The following OSBP variants were observed in gnomAD, a reference collection of about 807,000 sequenced individuals.
The protein encoded by OSBP is oxysterol binding protein.
A neutral mutation model predicts 96.6 loss-of-function variants in OSBP; 32 were observed. That is an observed-to-expected ratio of 0.33 (90% CI 0.25 to 0.45). The LOEUF is 0.45. OSBP is among the 20% of genes least tolerant of loss of function. The pLI, the probability that OSBP is intolerant of heterozygous loss-of-function variation, is 1.00. For missense variants in OSBP, 653 were observed against 1,029.7 expected (o/e 0.63, Z 5.01); for synonymous variants, 369 against 389.6 (o/e 0.95, Z 0.62).
At chr11:59,587,166 A>C (rs1860509232) in intron 9 of OSBP, among the ~76,000 whole-genome samples, 2 of 152,172 alleles carry the variant, frequency 1.3e-5, no homozygotes, top group Admixed American at 6.5e-5. Flanking sequence ...AGAACTCCTA[A>C]AATTCAACAA....
At chr11:59,602,763 AG>A (rs1407187255) in intron 3 of OSBP, among the ~76,000 whole-genome samples, 1 of 152,196 alleles carries the variant, frequency 6.6e-6, no homozygotes, top group Admixed American at 6.5e-5. Flanking sequence ...TTGGGACTAC[AG>A]TTATGTACCA....
intron 9 of OSBP, among the ~76,000 whole-genome samples, chr11:59,590,319 T>C (rs75883981): frequency 6.6e-6 from 1 of 152,338 alleles, no homozygotes; most frequent in African/African-American, 2.4e-5. Context: ...TTCAGTGTCC[T>C]TTTTGCACTG....
chr11:59,574,798 G>A lies in OSBP; in HGVS notation c.*1779C>T, dbSNP rs76313618. On this transcript the variant is annotated 3_prime_UTR_variant, in exon 14 of 14. Transcript: ENST00000263847. ...CATGTTTATCACAACTAGGAAGGAA[G>A]GGATAGGGGAAGAAATAAAAGTATT... 5,748 of 152,694 alleles carry A rather than the reference G, an allele frequency of 0.038. 148 individuals carry two copies. Among genetic ancestry groups the A allele is most frequent in the Non-Finnish European group, 0.043 (2,922 of 68,024 alleles). The allele number at this position is 152,694 out of a possible 1,614,324, so 9.5% of individuals were successfully genotyped here. A position where few individuals can be genotyped will look rare whatever the true frequency, so the allele number is the denominator to read the frequency against.
intron 7 of OSBP, among the ~76,000 whole-genome samples, chr11:59,598,644 T>C (rs1266149095): frequency 4.6e-5 from 7 of 152,130 alleles, no homozygotes; most frequent in Non-Finnish European, 8.8e-5. Flanking sequence ...GGCTGGAGTA[T>C]AGTGGTGCGA....
chr11:59,599,268 T>C (rs565259836), intron 7 of OSBP, among the ~76,000 whole-genome samples: 5 of 152,252 alleles, frequency 3.3e-5, no homozygotes, highest in South Asian at 2.1e-4. Context: ...AAGAGTATCA[T>C]TGTGCTCCTA....
chr11:59,606,756 T>C (rs910438312), intron 3 of OSBP, among the ~76,000 whole-genome samples: 5 of 152,260 alleles, frequency 3.3e-5, no homozygotes, highest in Non-Finnish European at 7.3e-5. Context: ...TTTAGAGCTG[T>C]GATGCTCTAG....
chr11:59,615,705 C>CG lies in OSBP; in HGVS notation c.-42dup, dbSNP rs1860920225. 7.9e-7 allele frequency: 1 copy of CG among 1,266,664 alleles called. No homozygotes were observed. Among genetic ancestry groups the CG allele is most frequent in the African/African-American group, 1.6e-5 (1 of 64,180 alleles). The allele number at this position is 1,266,664 out of a possible 1,614,324, so 78.5% of individuals were successfully genotyped here. A position where few individuals can be genotyped will look rare whatever the true frequency, so the allele number is the denominator to read the frequency against. ...GGAGATACAAGACCGGAACCGCCTACGAGAGCCGCCGTCGCCGCCCGGAGC... is the reference window on the plus strand; with the variant it reads ...GGAGATACAAGACCGGAACCGCCTACGGAGAGCCGCCGTCGCCGCCCGGAGC... On this transcript the variant is annotated 5_prime_UTR_variant, in exon 1 of 14. Coordinates refer to ENST00000263847, the MANE Select transcript of OSBP (RefSeq NM_002556.3).
intron 11 of OSBP, among the ~76,000 whole-genome samples, chr11:59,578,936 A>G: frequency 6.6e-6 from 1 of 152,166 alleles, no homozygotes; most frequent in East Asian, 1.9e-4. Context: ...CAATTCAATT[A>G]TACTCTTTTA....
Position 59,576,980 on chromosome 11 carries a change from A to G in OSBP, c.2106T>C (p.Thr702=). 1 of 1,614,198 alleles carries G rather than the reference A, an allele frequency of 6.2e-7. No individual in the cohort carries two copies. The highest frequency in any genetic ancestry group is 1.1e-5 in the South Asian group (1 of 91,080). Residue 702 remains threonine, a synonymous_variant, in exon 13 of 14, where the codon ACT becomes ACC. Coordinates refer to ENST00000263847, the MANE Select transcript of OSBP (RefSeq NM_002556.3). ...CAGTGCCACTTTCCCAAGCATTGAG[A>G]GTCAGAGCAAGCTCTGAGAAGTAGT... ...NMYYFSELAL[T]LNAWESGTAP... is the part of the protein sequence containing the mutation.
At chr11:59,611,657 C>A (rs1590680243) in intron 1 of OSBP, among the ~76,000 whole-genome samples, 1 of 152,140 alleles carries the variant, frequency 6.6e-6, no homozygotes, top group African/African-American at 2.4e-5. Context: ...GGAATATGTT[C>A]ATTCCTAAGG....
intron 7 of OSBP, among the ~76,000 whole-genome samples, chr11:59,598,865 C>A (rs1331177072): frequency 6.6e-6 from 1 of 152,226 alleles, no homozygotes; most frequent in African/African-American, 2.4e-5. Context: ...GCTGGGATTA[C>A]ACGCATGAGC....
chr11:59,583,632 C>G (rs1318504795), intron 9 of OSBP, among the ~76,000 whole-genome samples: 4 of 116,518 alleles, frequency 3.4e-5, no homozygotes, highest in Non-Finnish European at 7.0e-5. Flanking sequence ...TTCTAAATCT[C>G]TGTTTTTTTT....
chr11:59,586,178 G>GAAAAAAAAAAAA (rs34764421), intron 9 of OSBP, among the ~76,000 whole-genome samples: 4 of 60,394 alleles, frequency 6.6e-5, no homozygotes, highest in African/African-American at 1.2e-4. Context: ...AATAAATAAA[G>GAAAAAAAAAAAA]AAAAAAAAAA....
chr11:59,614,607 T>TC (rs1193309757), intron 1 of OSBP, among the ~76,000 whole-genome samples: 1 of 152,162 alleles, frequency 6.6e-6, no homozygotes, highest in African/African-American at 2.4e-5. Flanking sequence ...AACCAAAAAA[T>TC]CACAGAAATG....
chr11:59,598,250 A>G (rs1265184222), intron 7 of OSBP, among the ~76,000 whole-genome samples: 1 of 152,264 alleles, frequency 6.6e-6, no homozygotes. Context: ...CATCAAGGTT[A>G]TAAACACCAT....
At chr11:59,585,534 G>A (rs1461921823) in intron 9 of OSBP, among the ~76,000 whole-genome samples, 2 of 151,174 alleles carry the variant, frequency 1.3e-5, no homozygotes, top group African/African-American at 4.9e-5. Flanking sequence ...CCCCGTCCGG[G>A]AGGGAGGTTG....
Position 59,608,502 on chromosome 11 carries a change from T to C in OSBP, c.804A>G (p.Thr268=). 2 of 1,614,186 alleles carry C rather than the reference T, an allele frequency of 1.2e-6. No homozygotes were observed. Among genetic ancestry groups the C allele is most frequent in the Non-Finnish European group, 1.7e-6 (2 of 1,180,028 alleles). Reference sequence around the variant, plus strand: ...CACTCACGTTGATCATGGCATTGGATGTTATCCTAAAGAGTGTGGCTCGTT... The same window carrying C: ...CACTCACGTTGATCATGGCATTGGACGTTATCCTAAAGAGTGTGGCTCGTT... The part of the protein sequence containing the change: ...VNERATLFRI[T]SNAMINACRD... Residue 268 remains threonine, a synonymous_variant, in exon 3 of 14, where the codon ACA becomes ACG. Coordinates refer to ENST00000263847, the MANE Select transcript of OSBP (RefSeq NM_002556.3).
At chr11:59,578,096 C>T (rs1860380391) in intron 12 of OSBP, 53 bp downstream of exon 12, 6 of 1,549,188 alleles carry the variant, frequency 3.9e-6, no homozygotes, top group Non-Finnish European at 5.3e-6. Context: ...TTCAATATTG[C>T]TCCACAGTCA....
At chr11:59,607,705 C>T (rs1472261938) in intron 3 of OSBP, among the ~76,000 whole-genome samples, 1 of 152,188 alleles carries the variant, frequency 6.6e-6, no homozygotes, top group Admixed American at 6.5e-5. Context: ...AAAAGCAGCA[C>T]TGTTTAAACC....
Sources: gnomAD v4.1 joint callset for allele counts (sites outside exome capture counted in the v4.1 genomes callset) on GRCh38, gnomAD v4.1.1 for gene constraint, MANE v1.5 for transcripts, NCBI Gene and HGNC (gene_info 2026-07-23, HGNC 2026-07-21) for gene names.